Variants in EPHA3 observed in about 807,000 individuals in gnomAD.
The protein encoded by EPHA3 is ephrin type-A receptor 3.
Under a neutral mutation model 107.1 loss-of-function variants are expected in EPHA3, and 42 were observed. The ratio of observed to expected loss-of-function variants is 0.39; its 90% confidence interval spans 0.31 to 0.51. The LOEUF is 0.51. EPHA3 is among the 20% of genes least tolerant of loss of function. The pLI, the probability that EPHA3 is intolerant of heterozygous loss-of-function variation, is 0.78. For synonymous variants in EPHA3, 461 were observed against 424.8 expected (o/e 1.09, Z -1.05); for missense variants, 1,183 against 1,211.2 (o/e 0.98, Z 0.35).
intron 5 of EPHA3, among the ~76,000 whole-genome samples, chr3:89,379,836 TG>T (rs920636619): frequency 2.6e-5 from 4 of 152,324 alleles, no homozygotes; most frequent in African/African-American, 9.6e-5. Context: ...GTGAGTAAAT[TG>T]GATAGCTCTG....
At chr3:89,142,323 A>G (rs1409466063) in intron 2 of EPHA3, among the ~76,000 whole-genome samples, 2 of 151,386 alleles carry the variant, frequency 1.3e-5, no homozygotes, top group East Asian at 1.9e-4. Flanking sequence ...ATTTACCGCA[A>G]TGTTTAAATG....
At chr3:89,451,499 C>G (rs1397755017) in intron 15 of EPHA3, among the ~76,000 whole-genome samples, 2 of 152,042 alleles carry the variant, frequency 1.3e-5, no homozygotes, top group African/African-American at 2.4e-5. Flanking sequence ...TAATTTTTCT[C>G]TCTGATTTAT....
chr3:89,127,188 GTGTATTA>G lies in EPHA3; in HGVS notation c.89-17_89-11del. On this transcript the variant is annotated splice_polypyrimidine_tract_variant and intron_variant, in intron 1 of 16. Coordinates refer to ENST00000336596, the MANE Select transcript of EPHA3 (RefSeq NM_005233.6). ...TAATTCACTGTTATTAACTGTGTTT[GTGTATTA>G]TGTTTTATTTTAGTCAATCTACTGG... The G allele has an allele frequency of 3.2e-6, 5 of 1,586,886 alleles. No homozygotes were observed. The South Asian group carries it at 5.5e-5, about 18-fold the overall frequency.
chr3:89,199,228 G>A (rs7609645), intron 2 of EPHA3, among the ~76,000 whole-genome samples: 117,715 of 152,082 alleles, frequency 0.77, 45,862 homozygotes, highest in Middle Eastern at 0.88. Context: ...TTCTTAAATC[G>A]TATTGACTCC....
chr3:89,130,483 T>C (rs1451301790), intron 2 of EPHA3, among the ~76,000 whole-genome samples: 1 of 152,150 alleles, frequency 6.6e-6, no homozygotes, highest in Non-Finnish European at 1.5e-5. Flanking sequence ...ATTAACATAT[T>C]TGGAGAAAAA....
At chr3:89,421,286 T>A (rs568541260) in intron 11 of EPHA3, among the ~76,000 whole-genome samples, 1 of 151,102 alleles carries the variant, frequency 6.6e-6, no homozygotes, top group Non-Finnish European at 1.5e-5. Flanking sequence ...TGGATCATAA[T>A]AGATACTTAA....
At chr3:89,428,991 C>T (rs1159381479) in intron 11 of EPHA3, 115 bp from the exon 12 acceptor site, 5 of 616,724 alleles carry the variant, frequency 8.1e-6, no homozygotes, top group Non-Finnish European at 7.3e-6. Context: ...AATTAGAAGA[C>T]AGGCAAAGTT....
chr3:89,395,870 G>T lies in EPHA3; in HGVS notation c.1340G>T (p.Arg447Leu). The T allele has an allele frequency of 6.2e-7, 1 of 1,613,872 alleles. No homozygotes were observed. The highest frequency in any genetic ancestry group is 8.5e-7 in the Non-Finnish European group (1 of 1,179,932). ...PSPVLTIKKD[R>L]TSRNSISLSW... ...CCTGTCCTGACGATTAAGAAAGATCGGACCTCCAGAAATAGCATCTCTTTG... is the reference window on the plus strand; with the variant it reads ...CCTGTCCTGACGATTAAGAAAGATCTGACCTCCAGAAATAGCATCTCTTTG... The change falls in exon 6 of 17, where the codon CGG (arginine) becomes CTG (leucine). Residue 447 changes from arginine (R) to leucine (L), a missense_variant. Transcript: ENST00000336596.
At chr3:89,425,686 A>G (rs1709441190) in intron 11 of EPHA3, among the ~76,000 whole-genome samples, 1 of 151,610 alleles carries the variant, frequency 6.6e-6, no homozygotes, top group African/African-American at 2.4e-5. Context: ...AGAAAATTTC[A>G]AAGAAAATAT....
At chr3:89,191,878 TAAAGG>T (rs780179013) in intron 2 of EPHA3, among the ~76,000 whole-genome samples, 13 of 152,062 alleles carry the variant, frequency 8.5e-5, no homozygotes, top group Non-Finnish European at 1.5e-5. Flanking sequence ...AAAAGATAAG[TAAAGG>T]AAAGTGTGGC....
chr3:89,264,965 A>T (rs532776358), intron 3 of EPHA3, among the ~76,000 whole-genome samples: 1 of 152,228 alleles, frequency 6.6e-6, no homozygotes, highest in East Asian at 1.9e-4. Context: ...TTTATAGGGG[A>T]TATTAGATGT....
chr3:89,144,350 T>C (rs1298676903), intron 2 of EPHA3, among the ~76,000 whole-genome samples: 1 of 151,708 alleles, frequency 6.6e-6, no homozygotes, highest in African/African-American at 2.4e-5. Context: ...TCTTTTCACA[T>C]ATGATGCTGT....
chr3:89,313,652 C>T (rs1706823165), intron 3 of EPHA3, among the ~76,000 whole-genome samples: 1 of 151,658 alleles, frequency 6.6e-6, no homozygotes, highest in Non-Finnish European at 1.5e-5. Flanking sequence ...CTGTTGTTTC[C>T]ATATGTATTA....
chr3:89,244,119 A>G (rs1212980291), intron 3 of EPHA3, among the ~76,000 whole-genome samples: 2 of 152,102 alleles, frequency 1.3e-5, no homozygotes, highest in African/African-American at 2.4e-5. Context: ...GTGTAATACT[A>G]ATTTTATGTG....
intron 2 of EPHA3, among the ~76,000 whole-genome samples, chr3:89,152,109 A>G (rs1174056212): frequency 1.3e-5 from 2 of 152,096 alleles, no homozygotes; most frequent in South Asian, 2.1e-4. Context: ...ATTTGGACGC[A>G]TATTTTAATT....
chr3:89,167,168 A>G (rs936007475), intron 2 of EPHA3, among the ~76,000 whole-genome samples: 7 of 152,222 alleles, frequency 4.6e-5, no homozygotes, highest in African/African-American at 1.7e-4. Context: ...CATGTACAAC[A>G]TAATGTTTTG....
At chr3:89,431,506 T>A in intron 13 of EPHA3, 147 bp downstream of exon 13, 1 of 607,860 alleles carries the variant, frequency 1.6e-6, no homozygotes, top group Non-Finnish European at 2.7e-6. Flanking sequence ...AAAATATTAT[T>A]ATTTATTCTG....
intron 2 of EPHA3, among the ~76,000 whole-genome samples, chr3:89,196,294 T>C (rs896517604): frequency 2.0e-5 from 3 of 152,158 alleles, no homozygotes; most frequent in African/African-American, 4.8e-5. Context: ...TACACAACTG[T>C]GTCCTCTCTC....
chr3:89,316,505 A>AAT (rs58576798), intron 3 of EPHA3, among the ~76,000 whole-genome samples: 12,858 of 103,712 alleles, frequency 0.12, 785 homozygotes, highest in East Asian at 0.27. Context: ...GTGTGTGTGT[A>AAT]ATATATATAT....
Sources: gnomAD v4.1 joint callset for allele counts (sites outside exome capture counted in the v4.1 genomes callset) on GRCh38, gnomAD v4.1.1 for gene constraint, MANE v1.5 for transcripts, NCBI Gene and HGNC (gene_info 2026-07-23, HGNC 2026-07-21) for gene names.